The following NOL10 variants were observed in gnomAD, a reference collection of about 807,000 sequenced individuals.
NOL10 encodes the protein nucleolar protein 10.
A neutral mutation model predicts 103.5 loss-of-function variants in NOL10; 58 were observed. That is an observed-to-expected ratio of 0.56 (90% CI 0.45 to 0.70). NOL10 has a LOEUF of 0.70. Ranked by LOEUF, NOL10 falls within the 30% of genes least tolerant of loss-of-function variation. The pLI is 0.00. For synonymous variants in NOL10, 287 were observed against 282.5 expected (o/e 1.02, Z -0.16); for missense variants, 763 against 807.3 (o/e 0.95, Z 0.67).
intron 1 of NOL10, among the ~76,000 whole-genome samples, chr2:10,685,388 G>T (rs1682083812): frequency 6.6e-6 from 1 of 151,368 alleles, no homozygotes; most frequent in Admixed American, 6.6e-5. Flanking sequence ...AGCTACTCGG[G>T]AGGCTGAGGA....
At chr2:10,633,212 T>C (rs760482761) in intron 13 of NOL10, among the ~76,000 whole-genome samples, 1 of 152,098 alleles carries the variant, frequency 6.6e-6, no homozygotes, top group Non-Finnish European at 1.5e-5. Context: ...TGTGTCTGTC[T>C]TTCTTTTTTA....
intron 17 of NOL10, among the ~76,000 whole-genome samples, chr2:10,593,950 C>T (rs1675528825): frequency 6.6e-6 from 1 of 152,236 alleles, no homozygotes; most frequent in Non-Finnish European, 1.5e-5. Flanking sequence ...CTTCCCCAAA[C>T]AGTGTGGCCA....
intron 14 of NOL10, among the ~76,000 whole-genome samples, chr2:10,604,283 T>A (rs1446987466): frequency 6.6e-6 from 1 of 152,180 alleles, no homozygotes; most frequent in East Asian, 1.9e-4. Flanking sequence ...ACTGTCTTTC[T>A]AAGGAAAGCA....
intron 13 of NOL10, among the ~76,000 whole-genome samples, chr2:10,636,190 T>C (rs1678198924): frequency 6.6e-6 from 1 of 152,112 alleles, no homozygotes; most frequent in African/African-American, 2.4e-5. Flanking sequence ...GCCTGGCCCA[T>C]CCAGGAATTT....
chr2:10,587,110 C>CATAT (rs1323333701), intron 19 of NOL10, among the ~76,000 whole-genome samples: 1 of 42,184 alleles, frequency 2.4e-5, no homozygotes, highest in Non-Finnish European at 4.3e-5. Flanking sequence ...CATATATATA[C>CATAT]ATATATATAC....
chr2:10,663,076 G>C, intron 8 of NOL10, 32 bp from the exon 9 acceptor site: 4 of 1,577,766 alleles, frequency 2.5e-6, no homozygotes, highest in Non-Finnish European at 3.5e-6. Context: ...TTAAATAAAA[G>C]CTGTAGAAGG....
At chr2:10,669,313 C>T (rs913186596) in intron 6 of NOL10, among the ~76,000 whole-genome samples, 2 of 151,442 alleles carry the variant, frequency 1.3e-5, no homozygotes, top group African/African-American at 2.4e-5. Flanking sequence ...TGGTCTTGAA[C>T]TCCTGACCTC....
At chr2:10,638,597 T>C (rs762053037) in intron 13 of NOL10, among the ~76,000 whole-genome samples, 68 of 142,258 alleles carry the variant, frequency 4.8e-4, no homozygotes, top group Non-Finnish European at 8.9e-4. Flanking sequence ...GTTCAAGCAA[T>C]TCTCCTGCCT....
At chr2:10,657,111 G>A (rs982599237) in intron 11 of NOL10, among the ~76,000 whole-genome samples, 4 of 152,146 alleles carry the variant, frequency 2.6e-5, no homozygotes, top group African/African-American at 9.7e-5. Context: ...TTGAGGCCAG[G>A]AGTTCAAGAC....
At chr2:10,584,228 C>A (rs763949738) in intron 19 of NOL10, among the ~76,000 whole-genome samples, 7 of 152,170 alleles carry the variant, frequency 4.6e-5, no homozygotes, top group Non-Finnish European at 7.3e-5. Flanking sequence ...TTCCCATGAG[C>A]GCTTCAGGTA....
At chr2:10,578,553 C>T (rs114428202) in intron 19 of NOL10, among the ~76,000 whole-genome samples, 46 of 152,206 alleles carry the variant, frequency 3.0e-4, no homozygotes, top group African/African-American at 1.1e-3. Flanking sequence ...TCTGCTGTGC[C>T]CTGCATTTCA....
chr2:10,647,499 T>A (rs1679163584), intron 12 of NOL10, among the ~76,000 whole-genome samples: 1 of 152,242 alleles, frequency 6.6e-6, no homozygotes, highest in South Asian at 2.1e-4. Context: ...TACAGACGTA[T>A]CAACGTGCAG....
chr2:10,663,853 G>C (rs1368726155), intron 8 of NOL10, among the ~76,000 whole-genome samples: 1 of 151,808 alleles, frequency 6.6e-6, no homozygotes, highest in Non-Finnish European at 1.5e-5. Flanking sequence ...GGGAGGCTGA[G>C]GCAGGAGAAT....
chr2:10,598,881 C>T (rs1675835379), intron 17 of NOL10, among the ~76,000 whole-genome samples: 1 of 152,182 alleles, frequency 6.6e-6, no homozygotes, highest in African/African-American at 2.4e-5. Flanking sequence ...TCCTAGTTTT[C>T]CAATTTATAA....
chr2:10,619,373 T>G (rs1056335760), intron 13 of NOL10, among the ~76,000 whole-genome samples: 1 of 152,154 alleles, frequency 6.6e-6, no homozygotes, highest in Non-Finnish European at 1.5e-5. Flanking sequence ...AGGCTGGTCT[T>G]GAACTCCTGG....
intron 3 of NOL10, among the ~76,000 whole-genome samples, chr2:10,680,434 T>C (rs139589336): frequency 6.6e-6 from 1 of 151,000 alleles, no homozygotes; most frequent in East Asian, 2.0e-4. Context: ...TAATTTTGCA[T>C]GGGAATAGAG....
intron 3 of NOL10, among the ~76,000 whole-genome samples, chr2:10,681,567 A>G (rs1163820875): frequency 6.6e-6 from 1 of 152,230 alleles, no homozygotes; most frequent in Non-Finnish European, 1.5e-5. Flanking sequence ...TGGTAAACTT[A>G]GGATCTGTGC....
At chr2:10,572,585 T>C (rs1674237465) in intron 20 of NOL10, among the ~76,000 whole-genome samples, 1 of 152,208 alleles carries the variant, frequency 6.6e-6, no homozygotes, top group Non-Finnish European at 1.5e-5. Context: ...AGTGTCCACT[T>C]CCTTTTAGAG....
At chr2:10,637,436 C>A (rs1042351574) in intron 13 of NOL10, among the ~76,000 whole-genome samples, 1 of 152,154 alleles carries the variant, frequency 6.6e-6, no homozygotes, top group East Asian at 1.9e-4. Context: ...TTCTGCAGCA[C>A]CTACTGCCTT....
Sources: allele counts gnomAD v4.1 joint callset (sites outside exome capture counted in the v4.1 genomes callset), GRCh38; gene constraint gnomAD v4.1.1; transcripts MANE v1.5; gene names NCBI Gene and HGNC (gene_info 2026-07-23, HGNC 2026-07-21).